ENAH: variants seen among roughly 807,000 people sequenced by gnomAD.
The protein encoded by ENAH is protein enabled homolog.
Under a neutral mutation model 78.7 loss-of-function variants are expected in ENAH, and 23 were observed. The observed-to-expected ratio is 0.29, with a 90% CI of 0.21 to 0.41. ENAH has a LOEUF of 0.41. Ranked by LOEUF, ENAH falls within the 10% of genes least tolerant of loss-of-function variation. ENAH has a pLI of 1.00. For missense variants in ENAH, 544 were observed against 691.0 expected (o/e 0.79, Z 2.39); for synonymous variants, 226 against 241.0 (o/e 0.94, Z 0.58).
intron 1 of ENAH, among the ~76,000 whole-genome samples, chr1:225,592,677 T>C (rs1473734086): frequency 6.6e-6 from 1 of 152,210 alleles, no homozygotes; most frequent in Non-Finnish European, 1.5e-5. Flanking sequence ...TGAATATAAC[T>C]AAACCAATTA....
intron 2 of ENAH, among the ~76,000 whole-genome samples, chr1:225,565,484 C>A (rs762335929): frequency 8.6e-5 from 13 of 151,898 alleles, no homozygotes; most frequent in Non-Finnish European, 1.6e-4. Flanking sequence ...TTCAAATATT[C>A]TTTTTTGTTT....
At chr1:225,607,515 C>CAAAAA (rs534943449) in intron 1 of ENAH, among the ~76,000 whole-genome samples, 2 of 92,486 alleles carry the variant, frequency 2.2e-5, no homozygotes, top group Non-Finnish European at 4.9e-5. Flanking sequence ...GGGTGGGGGG[C>CAAAAA]AAAAAAAAAA....
At chr1:225,517,499 C>T (rs747651913) in intron 5 of ENAH, 193 bp from the exon 6 acceptor site, 876 of 1,551,498 alleles carry the variant, frequency 5.6e-4, no homozygotes, top group Non-Finnish European at 7.3e-4. Context: ...TCAACCAGCC[C>T]ATTGGGTGCT....
chr1:225,535,190 T>G (rs1436115376), intron 3 of ENAH, among the ~76,000 whole-genome samples: 1 of 152,064 alleles, frequency 6.6e-6, no homozygotes, highest in Non-Finnish European at 1.5e-5. Flanking sequence ...AATCAAAAAT[T>G]TGCTCCCAAA....
chr1:225,517,171 TTAG>T, intron 6 of ENAH, 22 bp downstream of exon 6: 6 of 1,480,330 alleles, frequency 4.1e-6, no homozygotes, highest in Non-Finnish European at 5.4e-6. Flanking sequence ...TGATTAGCTG[TTAG>T]TAGCAATAAT....
chr1:225,550,521 A>G (rs2096636476), intron 3 of ENAH, among the ~76,000 whole-genome samples: 1 of 152,248 alleles, frequency 6.6e-6, no homozygotes, highest in African/African-American at 2.4e-5. Context: ...AACTGTCACT[A>G]TAAAGTATTT....
At chr1:225,648,196 CAAG>C (rs1409994848) in intron 1 of ENAH, among the ~76,000 whole-genome samples, 2 of 152,084 alleles carry the variant, frequency 1.3e-5, no homozygotes, top group Admixed American at 6.6e-5. Flanking sequence ...CAATTTCAAA[CAAG>C]GAGGAGAAAA....
At chr1:225,498,673 T>G (rs2096263376) in intron 12 of ENAH, among the ~76,000 whole-genome samples, 4 of 152,218 alleles carry the variant, frequency 2.6e-5, no homozygotes, top group Non-Finnish European at 4.4e-5. Flanking sequence ...GTGAAACGTA[T>G]GAGTCAGATA....
intron 1 of ENAH, among the ~76,000 whole-genome samples, chr1:225,615,061 C>T (rs143048733): frequency 7.2e-5 from 10 of 138,388 alleles, no homozygotes; most frequent in Admixed American, 1.4e-4. Flanking sequence ...TCTCCCTCTC[C>T]CTCTCTCTCC....
chr1:225,570,381 T>C (rs1049382692), intron 1 of ENAH, among the ~76,000 whole-genome samples: 2 of 151,798 alleles, frequency 1.3e-5, no homozygotes, highest in East Asian at 3.9e-4. Flanking sequence ...GGTCCACTTA[T>C]ACATGGATTT....
intron 4 of ENAH, among the ~76,000 whole-genome samples, chr1:225,521,294 A>C (rs1008321802): frequency 6.6e-6 from 1 of 152,130 alleles, no homozygotes; most frequent in South Asian, 2.1e-4. Flanking sequence ...AAAGGTATGA[A>C]TTTAAGATTT....
intron 1 of ENAH, among the ~76,000 whole-genome samples, chr1:225,576,966 C>G (rs1471135825): frequency 6.6e-6 from 1 of 152,096 alleles, no homozygotes; most frequent in African/African-American, 2.4e-5. Context: ...AAAACCCCAC[C>G]TCTACAAAAA....
intron 3 of ENAH, among the ~76,000 whole-genome samples, chr1:225,544,470 T>G (rs1041460275): frequency 1.3e-5 from 2 of 151,920 alleles, no homozygotes; most frequent in East Asian, 3.9e-4. Context: ...AACAAGGAAG[T>G]AGAGAAAAGG....
chr1:225,542,932 T>A (rs1032561280), intron 3 of ENAH, among the ~76,000 whole-genome samples: 1 of 151,678 alleles, frequency 6.6e-6, no homozygotes. Flanking sequence ...GGCAGGAGGA[T>A]CCTTTGAGTG....
chr1:225,652,184 C>T (rs1663145208), intron 1 of ENAH: 1 of 263,912 alleles, frequency 3.8e-6, no homozygotes, highest in South Asian at 1.4e-4. Context: ...ACAGCTCCTT[C>T]ACCTACCCCT....
At position 225,490,765 on chromosome 1, in the gene ENAH, A is replaced by G. The variant is rs545739394; in HGVS notation, c.*7010T>C. On this transcript the variant is annotated 3_prime_UTR_variant, in exon 14 of 14. Transcript: ENST00000366843. ...AAGCCTTCCCAATTACTTTCCTCAG[A>G]TAAACTATAAGCTATTCTTCTCCTG... 1 of 152,318 alleles carries G rather than the reference A, an allele frequency of 6.6e-6. No individual in the cohort carries two copies. The highest frequency in any genetic ancestry group is 1.5e-5 in the Non-Finnish European group (1 of 68,036). The allele number at this position is 152,318 out of a possible 1,614,324, so 9.4% of individuals were successfully genotyped here.
rs557645072 is a variant in ENAH at position 225,589,455 on chromosome 1, G to A, written c.6-22041C>T. ...ATTATAGTCAGCCCTCAGTATCCTC[G>A]GAGGAACTGGCTGCAGGACTCCCAC... On this transcript the variant is annotated intron_variant, in intron 1 of 13. Coordinates refer to ENST00000366843, the MANE Select transcript of ENAH (RefSeq NM_018212.6). Among the ~76,000 whole-genome samples the A allele has an allele frequency of 7.6e-4, 115 of 152,132 alleles. 1 individual carries two copies. Among genetic ancestry groups the A allele is most frequent in the African/African-American group, 2.5e-3 (105 of 41,498 alleles).
chr1:225,583,601 A>G, intron 1 of ENAH, among the ~76,000 whole-genome samples: 1 of 151,882 alleles, frequency 6.6e-6, no homozygotes, highest in Non-Finnish European at 1.5e-5. Context: ...ACCTGAGGTC[A>G]GGAGTTCATG....
At chr1:225,609,656 ATTTTTTTTTTTTTTTT>A (rs59508510) in intron 1 of ENAH, among the ~76,000 whole-genome samples, 67 of 76,506 alleles carry the variant, frequency 8.8e-4, no homozygotes, top group African/African-American at 3.5e-3. Context: ...GGAAAAATGG[ATTTTTTTTTTTTTTTT>A]TTTTTTTTTT....
Sources: gnomAD v4.1 joint callset for allele counts (sites outside exome capture counted in the v4.1 genomes callset) on GRCh38, gnomAD v4.1.1 for gene constraint, MANE v1.5 for transcripts, NCBI Gene and HGNC (gene_info 2026-07-23, HGNC 2026-07-21) for gene names.